Variants in ZBED6 observed in about 807,000 individuals in gnomAD.
ZBED6 encodes zinc finger BED domain-containing protein 6.
ZBED6 carries 40 observed loss-of-function variants against 58.4 expected under a neutral mutation model. The ratio of observed to expected loss-of-function variants is 0.68; its 90% confidence interval spans 0.53 to 0.89. ZBED6 has a LOEUF of 0.89. ZBED6 is among the 40% of genes least tolerant of loss of function. The pLI is 0.00. For synonymous variants in ZBED6, 439 were observed against 350.6 expected (o/e 1.25, Z -2.82); for missense variants, 1,057 against 1,003.9 (o/e 1.05, Z -0.71).
At chr1:203,821,937 TTAG>T (rs1267464244) in intron 3 of ZBED6, among the ~76,000 whole-genome samples, 1 of 152,042 alleles carries the variant, frequency 6.6e-6, no homozygotes, top group African/African-American at 2.4e-5. Flanking sequence ...TTTTGTACTT[TTAG>T]TAGAGATGGG....
exon 13 of ZBED6, chr1:203,848,386 T>C (rs371623456): frequency 3.1e-5 from 50 of 1,611,890 alleles, no homozygotes; most frequent in Non-Finnish European, 4.1e-5. Context: ...CTCAGAGCAG[T>C]ATTAGAACAG....
At chr1:203,799,980 C>T in exon 1 of ZBED6, 1 of 1,536,096 alleles carries the variant, frequency 6.5e-7, no homozygotes, top group Non-Finnish European at 8.7e-7. Context: ...AGCTTCTTGT[C>T]CCTCAGTTAC....
exon 1 of ZBED6, chr1:203,797,315 C>T (rs1379720480): frequency 2.5e-5 from 11 of 434,868 alleles, no homozygotes; most frequent in South Asian, 8.2e-5. Context: ...ACCTTAAAGC[C>T]CTCTAAGAAA....
chr1:203,809,702 C>G (rs1249303070), intron 1 of ZBED6, among the ~76,000 whole-genome samples: 2 of 152,072 alleles, frequency 1.3e-5, no homozygotes, highest in East Asian at 3.9e-4. Flanking sequence ...GGCTGTAATC[C>G]TAGCACTTTG....
At chr1:203,800,190 A>T in exon 1 of ZBED6, 1 of 1,520,950 alleles carries the variant, frequency 6.6e-7, no homozygotes, top group South Asian at 1.2e-5. Flanking sequence ...TTACTGGCAG[A>T]GGAAGATAAG....
chr1:203,821,195 C>T (rs188764587), intron 3 of ZBED6, among the ~76,000 whole-genome samples: 4 of 152,226 alleles, frequency 2.6e-5, no homozygotes, highest in Admixed American at 1.3e-4. Flanking sequence ...TCCCTTTGCT[C>T]GCGCTCTCTT....
intron 8 of ZBED6, among the ~76,000 whole-genome samples, chr1:203,832,510 G>A (rs1400901316): frequency 2.6e-5 from 4 of 152,072 alleles, no homozygotes; most frequent in East Asian, 3.9e-4. Flanking sequence ...ATAGGCACCC[G>A]CCACCACGCC....
At chr1:203,813,346 A>C (rs1291948873) in intron 1 of ZBED6, among the ~76,000 whole-genome samples, 2 of 152,112 alleles carry the variant, frequency 1.3e-5, no homozygotes, top group Non-Finnish European at 2.9e-5. Flanking sequence ...AGCTGGGATC[A>C]CAGGCATTCA....
chr1:203,821,906 C>G (rs543701699), intron 3 of ZBED6, among the ~76,000 whole-genome samples: 1 of 151,858 alleles, frequency 6.6e-6, no homozygotes, highest in Non-Finnish European at 1.5e-5. Context: ...TACAGGTGCC[C>G]GCCACCACGC....
chr1:203,824,930 A>G (rs1248476616), intron 3 of ZBED6, among the ~76,000 whole-genome samples: 5 of 151,950 alleles, frequency 3.3e-5, no homozygotes, highest in Non-Finnish European at 7.4e-5. Flanking sequence ...CAAAAAAATT[A>G]GCCGGGCATG....
intron 3 of ZBED6, among the ~76,000 whole-genome samples, chr1:203,820,599 T>C (rs1678284059): frequency 6.6e-6 from 1 of 151,894 alleles, no homozygotes; most frequent in Non-Finnish European, 1.5e-5. Flanking sequence ...TGCCTCAACC[T>C]CTCGAGTAGC....
intron 2 of ZBED6, among the ~76,000 whole-genome samples, chr1:203,818,042 C>A (rs1006417269): frequency 6.6e-6 from 1 of 151,990 alleles, no homozygotes; most frequent in African/African-American, 2.4e-5. Flanking sequence ...CCCCCACGCC[C>A]GGTGATATTA....
chr1:203,847,295 C>T, exon 12 of ZBED6: 1 of 1,613,744 alleles, frequency 6.2e-7, no homozygotes, highest in East Asian at 2.2e-5. Flanking sequence ...ACAGAAGGAC[C>T]TTCAAAAACT....
In ZBED6 at chr1:203,833,688, G is replaced by A. The variant is rs1007645394; in HGVS notation, c.*3511-103G>A. The A allele has an allele frequency of 1.3e-5, 10 of 791,630 alleles. No homozygotes were observed. The African/African-American group carries it at 1.5e-4, about 12-fold the overall frequency. 49.0% of individuals were successfully genotyped at this position (791,630 alleles called of 1,614,324 possible). On this transcript the variant is annotated intron_variant, in intron 8 of 16. Coordinates refer to ENST00000550078, the Ensembl canonical transcript of ZBED6. ...GACCTGATTTTCAAGAGACTTTCTG[G>A]GTGGATTTACACTAATATCAGAACA...
intron 3 of ZBED6, among the ~76,000 whole-genome samples, chr1:203,820,259 A>T (rs1221531659): frequency 6.6e-6 from 1 of 151,724 alleles, no homozygotes; most frequent in Non-Finnish European, 1.5e-5. Flanking sequence ...AAAAGCCCAA[A>T]TTCAAGTGTT....
At chr1:203,848,123 G>T (rs1480556602) in intron 12 of ZBED6, among the ~76,000 whole-genome samples, 1 of 152,182 alleles carries the variant, frequency 6.6e-6, no homozygotes, top group East Asian at 1.9e-4. Flanking sequence ...CTCCCAAAGT[G>T]CTGGGGTTAC....
chr1:203,830,275 A>G (rs1681833181), intron 7 of ZBED6, 72 bp downstream of exon 7: 3 of 1,171,672 alleles, frequency 2.6e-6, no homozygotes, highest in Non-Finnish European at 3.7e-6. Context: ...TTCTAGAAGC[A>G]ACAGCCAAAA....
rs772362941 is a variant in ZBED6 at position 203,851,175 on chromosome 1, T to G, written c.*4873+51T>G. On this transcript the variant is annotated intron_variant, in intron 16 of 16. Coordinates refer to ENST00000550078, the Ensembl canonical transcript of ZBED6. ...CAAACTCCAGGCCCCTGTTACTGTT[T>G]AGGCTCTCTAGAGAATAACACTGAT... is the stretch of plus-strand genomic sequence containing the variant. 4 of 1,540,156 alleles carry G rather than the reference T, an allele frequency of 2.6e-6. No homozygotes were observed. In the East Asian group the frequency reaches 9.0e-5, roughly 35 times the overall value.
At chr1:203,800,292 C>G (rs1250220371) in exon 1 of ZBED6, 1 of 921,940 alleles carries the variant, frequency 1.1e-6, no homozygotes, top group Non-Finnish European at 1.7e-6. Context: ...TAAAAATAGC[C>G]ACTTTCATCC....
Sources: gnomAD v4.1 joint callset for allele counts (sites outside exome capture counted in the v4.1 genomes callset) on GRCh38, gnomAD v4.1.1 for gene constraint, MANE v1.5 for transcripts, NCBI Gene and HGNC (gene_info 2026-07-23, HGNC 2026-07-21) for gene names.